The following FCGR1A variants were observed in gnomAD, a reference collection of about 807,000 sequenced individuals.
FCGR1A encodes high affinity immunoglobulin gamma Fc receptor I.
A neutral mutation model predicts 35.0 loss-of-function variants in FCGR1A; 13 were observed. That is an observed-to-expected ratio of 0.37 (90% CI 0.24 to 0.59). The LOEUF (loss-of-function observed/expected upper bound fraction) is 0.59, where lower values mean the gene tolerates loss of function less well. Among genes scored for constraint, FCGR1A ranks in the 20% least tolerant of loss-of-function variants. The probability of loss-of-function intolerance (pLI) is 0.71; values close to 1 mark genes in which losing one functional copy is unlikely to be tolerated. For missense variants in FCGR1A, 227 were observed against 430.0 expected (o/e 0.53, Z 4.17); for synonymous variants, 91 against 164.7 (o/e 0.55, Z 3.43).
rs782745719 is a variant in FCGR1A at position 149,789,973 on chromosome 1, A to C, written c.560-81A>C. The C allele has an allele frequency of 4.4e-5, 71 of 1,612,002 alleles. No homozygotes were observed. In the Middle Eastern group the frequency reaches 1.3e-3, roughly 30 times the overall value. On this transcript the variant is annotated intron_variant, in intron 4 of 5. Coordinates refer to ENST00000369168, the MANE Select transcript of FCGR1A (RefSeq NM_000566.4). ...GCATTTTCTAGGGCCAGGTTTCCCAAGGGGGTAAAGGGCATGTCTTTTGTG... is the reference window on the plus strand; with the variant it reads ...GCATTTTCTAGGGCCAGGTTTCCCACGGGGGTAAAGGGCATGTCTTTTGTG...
chr1:149,793,879 A>G (rs1218590879), downstream of FCGR1A: 11 of 1,285,408 alleles, frequency 8.6e-6, no homozygotes, highest in East Asian at 5.5e-5. Context: ...GGGGTAAAAC[A>G]GGAAGAGTTG....
chr1:149,792,365 A>T (rs1553752051), downstream of FCGR1A: 1 of 286,542 alleles, frequency 3.5e-6, no homozygotes, highest in African/African-American at 2.4e-5. Flanking sequence ...TCTGGTTACT[A>T]ATTAGCTTCA....
At chr1:149,793,855 A>C (rs1415442995), downstream of FCGR1A, 4 of 1,269,856 alleles carry the variant, frequency 3.1e-6, no homozygotes, top group Admixed American at 2.4e-5. Flanking sequence ...TCCCCAAAGC[A>C]GACCAACCGG....
In FCGR1A at chr1:149,789,712, C is replaced by T. The variant is rs1471286698; in HGVS notation, c.560-342C>T. 7.2e-5 allele frequency among the ~76,000 whole-genome samples: 11 copies of T among 152,252 alleles called. 3 individuals carry two copies. The highest frequency in any genetic ancestry group is 5.2e-4 in the Admixed American group (8 of 15,304). Reference sequence around the variant, plus strand: ...AACATGAACCCTATTGTGAATTGTGCGTGCCTGATGATCTGAGGTGGAACA... The same window carrying T: ...AACATGAACCCTATTGTGAATTGTGTGTGCCTGATGATCTGAGGTGGAACA... On this transcript the variant is annotated intron_variant, in intron 4 of 5. Transcript: ENST00000369168.
At chr1:149,793,130 G>A, downstream of FCGR1A, 1 of 1,274,732 alleles carries the variant, frequency 7.8e-7, no homozygotes, top group South Asian at 1.2e-5. Flanking sequence ...GGTGCGCCCG[G>A]CCGAGCCTCC....
In FCGR1A at chr1:149,790,177, C is replaced by A. The variant is rs2091667648; in HGVS notation, c.683C>A (p.Ser228Tyr). 6.2e-7 allele frequency: 1 copy of A among 1,613,870 alleles called. No homozygotes were observed. The highest frequency in any genetic ancestry group is 1.7e-5 in the Admixed American group (1 of 59,992). ...LQRPGLQLYF[S>Y]FYMGSKTLRG... ...AGGCCTGGTTTGCAGCTTTACTTCT[C>A]CTTCTACATGGGCAGCAAGACCCTG... Residue 228 changes from serine to tyrosine, a missense_variant, in exon 5 of 6, where the codon TCC (serine) becomes TAC (tyrosine). Ser to Tyr is a moderately radical substitution (Grantham distance 144). Around this residue, in one of 3 missense-constraint regions of FCGR1A, gnomAD observed 185 missense variants for 306.6 expected, o/e 0.60. Transcript: ENST00000369168.
Position 149,788,730 on chromosome 1 carries a change from G to T in FCGR1A, c.559+113G>T, listed in dbSNP as rs2102049901. Reference sequence around the variant, plus strand: ...AGTGAAGAAACCGGGCTCCAGAGAGGTAAACTGCATTACTAAAGGCCACAC... The same window carrying T: ...AGTGAAGAAACCGGGCTCCAGAGAGTTAAACTGCATTACTAAAGGCCACAC... On this transcript the variant is annotated intron_variant, in intron 4 of 5. Transcript: ENST00000369168. 4 of 1,310,144 alleles carry T rather than the reference G, an allele frequency of 3.1e-6. No homozygotes were observed. The South Asian group carries it at 5.4e-5, about 18-fold the overall frequency. The allele number at this position is 1,310,144 out of a possible 1,614,324, so 81.2% of individuals were successfully genotyped here.
chr1:149,784,040 G>C lies in FCGR1A; in HGVS notation c.90G>C (p.Trp30Cys), dbSNP rs1227555825. 6 of 1,609,356 alleles carry C rather than the reference G, an allele frequency of 3.7e-6. No homozygotes were observed. The highest frequency in any genetic ancestry group is 2.7e-5 in the African/African-American group (2 of 73,612). ...TKAVITLQPP[W>C]VSVFQEETVT... ...CAGTGATCACTTTGCAGCCTCCATGGGTCAGCGTGTTCCAAGAGGAAACCG... is the reference window on the plus strand; with the variant it reads ...CAGTGATCACTTTGCAGCCTCCATGCGTCAGCGTGTTCCAAGAGGAAACCG... Residue 30 changes from tryptophan (W) to cysteine (C), a missense_variant, in exon 3 of 6, where the codon TGG (tryptophan) becomes TGC (cysteine). By Grantham distance (215) the Trp-to-Cys change is radical. This residue lies in a region of FCGR1A where 185 missense variants were observed against 306.6 expected (regional missense o/e 0.60). Coordinates refer to ENST00000369168, the MANE Select transcript of FCGR1A (RefSeq NM_000566.4).
intron 3 of FCGR1A, among the ~76,000 whole-genome samples, chr1:149,784,490 C>T (rs2091486604): frequency 6.6e-6 from 1 of 152,060 alleles, no homozygotes; most frequent in Non-Finnish European, 1.5e-5. Context: ...TAGAGTAAGA[C>T]TTAGGCCCTA....
chr1:149,787,199 A>C (rs1393481945), intron 3 of FCGR1A: 1 of 152,254 alleles, frequency 6.6e-6, no homozygotes, highest in Non-Finnish European at 1.5e-5. Flanking sequence ...GCATTATATC[A>C]GTATCCATGA....
chr1:149,793,302 C>T (rs2091759368), downstream of FCGR1A: 2 of 1,177,880 alleles, frequency 1.7e-6, no homozygotes, highest in Non-Finnish European at 2.1e-6. Context: ...CCGTCCAGCT[C>T]GGAGGACCTC....
the FCGR1A span, among the ~76,000 whole-genome samples, chr1:149,800,596 A>G: frequency 2.1e-5 from 3 of 141,620 alleles, no homozygotes; most frequent in African/African-American, 8.0e-5. Flanking sequence ...GACCAAATAT[A>G]TATTTCATAA....
At chr1:149,795,792 G>C (rs2101451229), downstream of FCGR1A, among the ~76,000 whole-genome samples, 1 of 151,560 alleles carries the variant, frequency 6.6e-6, no homozygotes, top group East Asian at 1.9e-4. Context: ...TTTGTTCAGT[G>C]CTCAGCTTTT....
chr1:149,785,408 G>GTTTTTTTT (rs10670379), intron 3 of FCGR1A, among the ~76,000 whole-genome samples: 1 of 67,636 alleles, frequency 1.5e-5, no homozygotes, highest in Non-Finnish European at 3.3e-5. Context: ...GAGCTGTTTC[G>GTTTTTTTT]TTTTTTTTTT....
the FCGR1A span, among the ~76,000 whole-genome samples, chr1:149,797,223 T>C: frequency 2.6e-5 from 4 of 152,210 alleles, no homozygotes; most frequent in African/African-American, 7.2e-5. Context: ...TTGGTGCTAT[T>C]TTTAAGGATA....
downstream of FCGR1A, chr1:149,792,895 A>G (rs1458687504): frequency 7.9e-7 from 1 of 1,264,092 alleles, no homozygotes; most frequent in Non-Finnish European, 1.0e-6. Flanking sequence ...GCGGCCCCCC[A>G]AAATCCCAAC....
At chr1:149,797,244 A>AT in the FCGR1A span, among the ~76,000 whole-genome samples, 2 of 151,652 alleles carry the variant, frequency 1.3e-5, no homozygotes, top group Admixed American at 1.3e-4. Flanking sequence ...TGTATATCTG[A>AT]TTTTTTTTCT....
downstream of FCGR1A, chr1:149,793,243 C>T (rs1655880827): frequency 4.0e-6 from 5 of 1,255,524 alleles, no homozygotes; most frequent in South Asian, 2.5e-5. Flanking sequence ...CCGGAGGCGG[C>T]GGCGGCAGGG....
downstream of FCGR1A, chr1:149,793,049 C>T (rs1181985925): frequency 2.4e-6 from 3 of 1,261,442 alleles, no homozygotes; most frequent in Non-Finnish European, 3.1e-6. Context: ...CGGGCCCCGG[C>T]GCGGCGCCAC....
Sources: gnomAD v4.1 joint callset for allele counts (sites outside exome capture counted in the v4.1 genomes callset) on GRCh38, gnomAD v4.1.1 for gene constraint, gnomAD v4.1.1 regional missense constraint, MANE v1.5 for transcripts, NCBI Gene and HGNC (gene_info 2026-07-23, HGNC 2026-07-21) for gene names.